Variants in VAMP4 observed in about 807,000 individuals in gnomAD.
VAMP4 encodes vesicle-associated membrane protein 4.
A neutral mutation model predicts 23.5 loss-of-function variants in VAMP4; 19 were observed. The ratio of observed to expected loss-of-function variants is 0.81; its 90% CI spans 0.56 to 1.19. The LOEUF (loss-of-function observed/expected upper bound fraction) is 1.19, where lower values mean the gene tolerates loss of function less well. VAMP4 is among the 50% of genes most tolerant of loss of function. VAMP4 has a pLI of 0.00. For synonymous variants in VAMP4, 31 were observed against 51.0 expected (o/e 0.61, Z 1.67); for missense variants, 145 against 168.6 (o/e 0.86, Z 0.78).
At chr1:171,729,892 C>A (rs371116744) in intron 2 of VAMP4, among the ~76,000 whole-genome samples, 1 of 152,078 alleles carries the variant, frequency 6.6e-6, no homozygotes, top group Non-Finnish European at 1.5e-5. Context: ...GATGTGATCA[C>A]GGATCTTGAG....
chr1:171,730,967 G>A (rs1048754572), intron 2 of VAMP4, among the ~76,000 whole-genome samples: 3 of 152,094 alleles, frequency 2.0e-5, no homozygotes, highest in African/African-American at 7.2e-5. Context: ...CACTTTGGGA[G>A]GCCCAGGCGG....
At chr1:171,738,262 C>T in intron 2 of VAMP4, 87 bp downstream of exon 2, 1 of 1,502,080 alleles carries the variant, frequency 6.7e-7, no homozygotes, top group Non-Finnish European at 9.1e-7. Context: ...GCAACCACGC[C>T]CGGATGGTTT....
At chr1:171,719,141 T>C (rs1655108573) in intron 4 of VAMP4, 30 bp downstream of exon 4, 4 of 1,599,894 alleles carry the variant, frequency 2.5e-6, no homozygotes. Flanking sequence ...AGAAATATGA[T>C]TATCATTTAA....
rs74962768 is a variant in VAMP4, at chr1:171,711,906, C to T, written c.165-1092G>A. Among the ~76,000 whole-genome samples the T allele has an allele frequency of 5.0e-3, 766 of 152,130 alleles. 5 individuals are homozygous for T. Among genetic ancestry groups the T allele is most frequent in the African/African-American group, 0.018 (729 of 41,498 alleles). On this transcript the variant is annotated intron_variant, in intron 4 of 7. Coordinates refer to ENST00000236192, the MANE Select transcript of VAMP4 (RefSeq NM_003762.5). ...CCATATTTTTACTGCATGTTTTCTA[C>T]GTTTAGATATGTTTAGACATACAGA...
intron 5 of VAMP4, among the ~76,000 whole-genome samples, chr1:171,710,427 AGAAACACAAAG>A (rs1654813511): frequency 6.6e-6 from 1 of 152,148 alleles, no homozygotes; most frequent in African/African-American, 2.4e-5. Context: ...TGAGATCATG[AGAAACACAAAG>A]TTCATCAATA....
intron 4 of VAMP4, among the ~76,000 whole-genome samples, chr1:171,712,406 A>G (rs1572241417): frequency 6.6e-6 from 1 of 152,196 alleles, no homozygotes; most frequent in South Asian, 2.1e-4. Flanking sequence ...TATAAAAACA[A>G]AATGAAGGCC....
intron 2 of VAMP4, among the ~76,000 whole-genome samples, chr1:171,729,728 C>T (rs754077178): frequency 7.9e-5 from 12 of 152,096 alleles, no homozygotes; most frequent in Non-Finnish European, 1.8e-4. Context: ...GGTGCAATCT[C>T]GGCTCACTGC....
chr1:171,712,752 T>G (rs1046590290), intron 4 of VAMP4, among the ~76,000 whole-genome samples: 1 of 152,178 alleles, frequency 6.6e-6, no homozygotes, highest in Non-Finnish European at 1.5e-5. Flanking sequence ...TTAAGAACAA[T>G]GGCACAAATA....
chr1:171,714,942 G>T (rs909657636), intron 4 of VAMP4, among the ~76,000 whole-genome samples: 7 of 152,196 alleles, frequency 4.6e-5, no homozygotes, highest in African/African-American at 1.7e-4. Context: ...TAGCCTTGAT[G>T]AATTCAGCCT....
chr1:171,708,779 G>A (rs1654750266), intron 6 of VAMP4, among the ~76,000 whole-genome samples: 1 of 151,400 alleles, frequency 6.6e-6, no homozygotes, highest in African/African-American at 2.4e-5. Flanking sequence ...AGGAGGCTGA[G>A]GCAGAAGAAT....
At chr1:171,706,238 T>TGA in intron 7 of VAMP4, 129 bp downstream of exon 7, 5 of 762,860 alleles carry the variant, frequency 6.6e-6, no homozygotes, top group Non-Finnish European at 8.2e-6. Flanking sequence ...TAAGAGCTCC[T>TGA]GAGACAGGTC....
At chr1:171,709,787 C>G (rs1452130792) in intron 5 of VAMP4, 43 bp from the exon 6 acceptor site, 1 of 1,469,786 alleles carries the variant, frequency 6.8e-7, no homozygotes, top group Non-Finnish European at 9.5e-7. Flanking sequence ...AACGACATAA[C>G]AGGATTCTTT....
intron 2 of VAMP4, among the ~76,000 whole-genome samples, chr1:171,734,368 ATATGT>A (rs1386946049): frequency 6.6e-6 from 1 of 152,118 alleles, no homozygotes; most frequent in Non-Finnish European, 1.5e-5. Context: ...ACAAAAGGCT[ATATGT>A]TATATGATTC....
Position 171,741,941 on chromosome 1 carries a change from C to CCCGGGGAACTCCCGGCAGCTCT in VAMP4, c.-82_-81insAGAGCTGCCGGGAGTTCCCCGG. ...CTCCCGGGGAACTCCCGGCAGCTCT[C>CCCGGGGAACTCCCGGCAGCTCT]CCGGGCTGGCGGTGCTGGGCGGGCG... On this transcript the variant is annotated 5_prime_UTR_variant, in exon 1 of 8. An upstream open reading frame in the 5' UTR loses its in-frame stop. Coordinates refer to ENST00000236192, the MANE Select transcript of VAMP4 (RefSeq NM_003762.5). 1 of 152,362 alleles carries CCCGGGGAACTCCCGGCAGCTCT rather than the reference C, an allele frequency of 6.6e-6. No individual in the cohort carries two copies. Among genetic ancestry groups the CCCGGGGAACTCCCGGCAGCTCT allele is most frequent in the Non-Finnish European group, 1.5e-5 (1 of 68,166 alleles). 9.4% of individuals were successfully genotyped at this position (152,362 alleles called of 1,614,324 possible).
chr1:171,722,298 A>T (rs1340595754), intron 3 of VAMP4, among the ~76,000 whole-genome samples: 1 of 152,204 alleles, frequency 6.6e-6, no homozygotes, highest in Non-Finnish European at 1.5e-5. Context: ...AAACCATAAA[A>T]ACCCTAGAAG....
chr1:171,727,669 T>G (rs1655418303), intron 3 of VAMP4, among the ~76,000 whole-genome samples: 1 of 152,134 alleles, frequency 6.6e-6, no homozygotes, highest in Non-Finnish European at 1.5e-5. Flanking sequence ...GCTTTATATG[T>G]AAAAGCCAAA....
chr1:171,730,204 G>A (rs553490716), intron 2 of VAMP4, among the ~76,000 whole-genome samples: 22 of 152,252 alleles, frequency 1.4e-4, no homozygotes, highest in African/African-American at 4.8e-4. Context: ...TTAAGTGTGT[G>A]GTAATTTGTA....
chr1:171,722,159 A>C (rs893674001), intron 3 of VAMP4, among the ~76,000 whole-genome samples: 2 of 152,092 alleles, frequency 1.3e-5, no homozygotes, highest in African/African-American at 4.8e-5. Flanking sequence ...TAGGGAAAGG[A>C]ATCCCTATTT....
At chr1:171,733,294 C>CAAA (rs35176644) in intron 2 of VAMP4, among the ~76,000 whole-genome samples, 3,359 of 58,108 alleles carry the variant, frequency 0.058, 283 homozygotes, top group African/African-American at 0.11. Flanking sequence ...CCCATCTCTA[C>CAAA]AAAAAAAAAA....
Sources: allele counts gnomAD v4.1 joint callset (sites outside exome capture counted in the v4.1 genomes callset), GRCh38; gene constraint gnomAD v4.1.1; transcripts MANE v1.5; gene names NCBI Gene and HGNC (gene_info 2026-07-23, HGNC 2026-07-21).